PTPRD: variants seen among roughly 807,000 people sequenced by gnomAD.
PTPRD encodes receptor-type tyrosine-protein phosphatase delta.
PTPRD carries 34 observed loss-of-function variants against 214.5 expected under a neutral mutation model. The observed-to-expected ratio is 0.16, with a 90% CI of 0.12 to 0.21. PTPRD has a LOEUF of 0.21. PTPRD is among the 10% of genes least tolerant of loss of function. The pLI is 1.00. For synonymous variants in PTPRD, 1,128 were observed against 845.7 expected (o/e 1.33, Z -5.79); for missense variants, 2,545 against 2,398.7 (o/e 1.06, Z -1.27).
At chr9:9,054,158 T>C (rs898695126) in intron 10 of PTPRD, among the ~76,000 whole-genome samples, 1 of 152,136 alleles carries the variant, frequency 6.6e-6, no homozygotes, top group Admixed American at 6.6e-5. Context: ...CTCACAACAA[T>C]CCTATAAGGC....
chr9:8,936,220 G>A (rs2098995837), intron 11 of PTPRD: 1 of 151,906 alleles, frequency 6.6e-6, no homozygotes, highest in African/African-American at 2.4e-5. Context: ...AGACCAGCCT[G>A]GGCAACGTAG....
chr9:9,714,089 C>CAAAAAAA (rs5896350), intron 7 of PTPRD, among the ~76,000 whole-genome samples: 137 of 126,964 alleles, frequency 1.1e-3, no homozygotes, highest in African/African-American at 3.4e-3. Context: ...TTCACTTGCG[C>CAAAAAAA]AAAAAAAAAA....
intron 9 of PTPRD, among the ~76,000 whole-genome samples, chr9:9,231,388 G>A (rs1256535293): frequency 6.6e-6 from 1 of 152,114 alleles, no homozygotes; most frequent in Non-Finnish European, 1.5e-5. Context: ...CTGTGTTGTA[G>A]ATTTCAGATA....
At chr9:9,151,874 G>A (rs907071988) in intron 10 of PTPRD, among the ~76,000 whole-genome samples, 5 of 152,142 alleles carry the variant, frequency 3.3e-5, no homozygotes, top group East Asian at 3.9e-4. Context: ...CCACTGTGTC[G>A]TTAAGAACCA....
intron 4 of PTPRD, among the ~76,000 whole-genome samples, chr9:9,954,524 A>G (rs890793214): frequency 6.6e-6 from 1 of 151,190 alleles, no homozygotes; most frequent in African/African-American, 2.4e-5. Context: ...TCAGACAATA[A>G]ATTTTTCATA....
At chr9:10,211,897 A>T (rs1458349236) in intron 3 of PTPRD, among the ~76,000 whole-genome samples, 1 of 152,146 alleles carries the variant, frequency 6.6e-6, no homozygotes, top group East Asian at 1.9e-4. Context: ...AGACTTTACC[A>T]CTATGCAATA....
chr9:9,403,688 TTAAAC>T (rs1466284966), intron 8 of PTPRD, among the ~76,000 whole-genome samples: 1 of 152,130 alleles, frequency 6.6e-6, no homozygotes, highest in Non-Finnish European at 1.5e-5. Context: ...TTTTTATTAA[TTAAAC>T]TAAATTTTAA....
At chr9:8,517,204 A>G (rs10977169) in intron 21 of PTPRD, among the ~76,000 whole-genome samples, 22,616 of 152,124 alleles carry the variant, frequency 0.15, 2,013 homozygotes, top group East Asian at 0.27. Context: ...AACCTCTTAG[A>G]AAAATAAAAC....
chr9:8,404,274 G>A (rs908563018), intron 36 of PTPRD, among the ~76,000 whole-genome samples: 10 of 152,120 alleles, frequency 6.6e-5, no homozygotes, highest in Admixed American at 1.3e-4. Flanking sequence ...GATTACAGGC[G>A]CCCACCACCA....
At chr9:9,552,174 T>C (rs562102384) in intron 8 of PTPRD, among the ~76,000 whole-genome samples, 2 of 152,080 alleles carry the variant, frequency 1.3e-5, no homozygotes, top group East Asian at 3.9e-4. Flanking sequence ...CTCAGAGAGG[T>C]AAATTGATTT....
chr9:9,061,242 G>T (rs902923447), intron 10 of PTPRD, among the ~76,000 whole-genome samples: 2 of 152,118 alleles, frequency 1.3e-5, no homozygotes, highest in African/African-American at 4.8e-5. Flanking sequence ...GCGTTATACT[G>T]CAACACAAAA....
chr9:9,231,563 A>G (rs1276691824), intron 9 of PTPRD, among the ~76,000 whole-genome samples: 1 of 152,160 alleles, frequency 6.6e-6, no homozygotes, highest in Non-Finnish European at 1.5e-5. Context: ...GAAACTACCT[A>G]ATTTTCCAAC....
chr9:10,372,049 T>A (rs2097636040), intron 2 of PTPRD, among the ~76,000 whole-genome samples: 1 of 151,986 alleles, frequency 6.6e-6, no homozygotes, highest in Admixed American at 6.6e-5. Flanking sequence ...GAGTTTGGAA[T>A]CCAGTAATGG....
chr9:8,847,407 T>C (rs2154539999), intron 11 of PTPRD, among the ~76,000 whole-genome samples: 1 of 152,222 alleles, frequency 6.6e-6, no homozygotes, highest in South Asian at 2.1e-4. Flanking sequence ...CCCTGCTTCA[T>C]GCTTCTAGGA....
intron 4 of PTPRD, among the ~76,000 whole-genome samples, chr9:9,970,380 G>C (rs1298561617): frequency 6.7e-6 from 1 of 148,464 alleles, no homozygotes; most frequent in African/African-American, 2.5e-5. Flanking sequence ...AACCCGGGAG[G>C]CGGAGCTTGC....
At chr9:8,706,959 G>C (rs1342007026) in intron 12 of PTPRD, among the ~76,000 whole-genome samples, 2 of 152,110 alleles carry the variant, frequency 1.3e-5, no homozygotes, top group Non-Finnish European at 2.9e-5. Flanking sequence ...GAACTGAAAT[G>C]GCAGTTCTTA....
intron 11 of PTPRD, among the ~76,000 whole-genome samples, chr9:8,964,612 T>C (rs927144241): frequency 2.0e-5 from 3 of 151,998 alleles, no homozygotes; most frequent in African/African-American, 7.2e-5. Context: ...GTTGGTTTTG[T>C]CTTGTTTTTC....
intron 6 of PTPRD, among the ~76,000 whole-genome samples, chr9:9,750,633 A>ATG (rs1040424407): frequency 1.3e-5 from 2 of 152,034 alleles, no homozygotes; most frequent in Non-Finnish European, 2.9e-5. Flanking sequence ...GGGTGTGGGT[A>ATG]TGTGTGTGTG....
intron 4 of PTPRD, among the ~76,000 whole-genome samples, chr9:9,972,823 C>A (rs908079338): frequency 7.2e-5 from 11 of 152,140 alleles, no homozygotes; most frequent in African/African-American, 2.4e-4. Context: ...CTACTACTAA[C>A]TCTGAGCCTC....
Sources: allele counts gnomAD v4.1 joint callset (sites outside exome capture counted in the v4.1 genomes callset), GRCh38; gene constraint gnomAD v4.1.1; transcripts MANE v1.5; gene names NCBI Gene and HGNC (gene_info 2026-07-23, HGNC 2026-07-21).